The following DMD variants were observed in gnomAD, a reference collection of about 807,000 sequenced individuals.
DMD encodes dystrophin.
DMD carries 63 observed loss-of-function variants against 330.1 expected under a neutral mutation model. The ratio of observed to expected loss-of-function variants is 0.19; its 90% CI spans 0.16 to 0.24. DMD has a LOEUF of 0.24. Ranked by LOEUF, DMD falls within the 10% of genes least tolerant of loss-of-function variation. DMD has a pLI of 1.00. For synonymous variants in DMD, 1,223 were observed against 959.8 expected, an observed-to-expected ratio of 1.27 and a Z score of -5.07; for missense variants, 3,344 against 2,684.1, an observed-to-expected ratio of 1.25 and a Z score of -5.43.
intron 47 of DMD, among the ~76,000 whole-genome samples, chrX:31,901,440 G>C (rs2094420932): frequency 9.0e-6 from 1 of 111,265 alleles, no homozygotes; most frequent in South Asian, 3.7e-4. Context: ...TTCTTTTGTG[G>C]TCCAAGGCCA....
At chrX:32,932,452 C>G (rs182810398) in intron 2 of DMD, among the ~76,000 whole-genome samples, 1 of 111,750 alleles carries the variant, frequency 8.9e-6, no homozygotes, top group East Asian at 2.8e-4. Context: ...AAACAATTCA[C>G]CAATACATTT....
intron 7 of DMD, chrX:32,756,203 C>G (rs188934539): frequency 7.1e-5 from 8 of 111,960 alleles, no homozygotes; most frequent in Admixed American, 1.9e-4. Context: ...AAATTCAGTC[C>G]TGAACAGACA....
At chrX:32,709,714 C>A (rs1199988122) in intron 7 of DMD, among the ~76,000 whole-genome samples, 5 of 111,709 alleles carry the variant, frequency 4.5e-5, no homozygotes, top group South Asian at 3.7e-4. Context: ...TCATATGGCA[C>A]CTCTTCAGAG....
Position 33,174,034 on chromosome X carries a change from CAAAAA to C in DMD, c.31+37243_31+37247del, listed in dbSNP as rs200540950. 0.25 allele frequency among the ~76,000 whole-genome samples: 13,241 copies of C among 52,592 alleles called. 1,301 individuals are homozygous for C. Among genetic ancestry groups the C allele is most frequent in the East Asian group, 0.54 (1,112 of 2,043 alleles). The allele number at this position is 52,592 out of a possible 115,157, so 45.7% of individuals were successfully genotyped here. On this transcript the variant is annotated intron_variant, in intron 1 of 78. Transcript: ENST00000357033. Reference sequence around the variant, plus strand: ...TGTATCTATATAAGATTGGTAACTACAAAAAAAAAAAAAAAAAAAAGAATCCCCAG... The same window carrying C: ...TGTATCTATATAAGATTGGTAACTACAAAAAAAAAAAAAAAGAATCCCCAG...
At chrX:32,642,862 C>A (rs1433675018) in intron 11 of DMD, among the ~76,000 whole-genome samples, 2 of 111,118 alleles carry the variant, frequency 1.8e-5, no homozygotes, top group Non-Finnish European at 3.8e-5. Context: ...GCTATTATGG[C>A]AAGGACAGTA....
chrX:33,231,902 G>A (rs912048262), intron 1 of DMD, among the ~76,000 whole-genome samples: 4 of 111,232 alleles, frequency 3.6e-5, no homozygotes, highest in African/African-American at 9.8e-5. Flanking sequence ...CCTTCCATTG[G>A]CCAAAACCAA....
chrX:32,150,948 A>G (rs1176310992), intron 44 of DMD, among the ~76,000 whole-genome samples: 1 of 111,273 alleles, frequency 9.0e-6, no homozygotes, highest in African/African-American at 3.3e-5. Flanking sequence ...TTGCAATGAA[A>G]ATTAATGGAG....
At chrX:31,898,240 C>A (rs1468565645) in intron 47 of DMD, among the ~76,000 whole-genome samples, 80 of 110,279 alleles carry the variant, frequency 7.3e-4, no homozygotes, top group Non-Finnish European at 1.2e-3. Flanking sequence ...GCTACCAATG[C>A]CTTTCTTCAC....
intron 5 of DMD, among the ~76,000 whole-genome samples, chrX:32,818,808 T>C (rs1315122111): frequency 9.1e-6 from 1 of 109,717 alleles, no homozygotes; most frequent in Non-Finnish European, 1.9e-5. Flanking sequence ...ACACCCTCTC[T>C]AGGGCAACCC....
chrX:32,419,640 C>T (rs913642880), intron 29 of DMD, among the ~76,000 whole-genome samples: 2 of 111,972 alleles, frequency 1.8e-5, no homozygotes, highest in Non-Finnish European at 3.8e-5. Flanking sequence ...TTGAACACAC[C>T]TGGGAGAAAA....
chrX:31,861,585 A>C (rs1299557750), intron 48 of DMD, among the ~76,000 whole-genome samples: 15 of 36,684 alleles, frequency 4.1e-4, no homozygotes, highest in African/African-American at 1.9e-3. Flanking sequence ...ATGCAACTGT[A>C]AAAAAAAAAA....
chrX:31,377,884 C>T (rs1247663537), intron 60 of DMD, among the ~76,000 whole-genome samples: 2 of 111,137 alleles, frequency 1.8e-5, no homozygotes, highest in African/African-American at 3.3e-5. Context: ...AATGGCCGGT[C>T]CTTGCCTTAA....
chrX:32,260,636 C>T (rs747239762), intron 43 of DMD, among the ~76,000 whole-genome samples: 1 of 111,765 alleles, frequency 8.9e-6, no homozygotes, highest in African/African-American at 3.2e-5. Context: ...TTAATGACAG[C>T]ATCCAAAAAG....
At chrX:32,961,621 A>T (rs972012016) in intron 2 of DMD, among the ~76,000 whole-genome samples, 1 of 111,792 alleles carries the variant, frequency 8.9e-6, no homozygotes, top group South Asian at 3.7e-4. Context: ...TACTGTAAAG[A>T]AAGTAATCAT....
intron 64 of DMD, among the ~76,000 whole-genome samples, chrX:31,212,046 A>T (rs1207721147): frequency 9.1e-6 from 1 of 110,150 alleles, no homozygotes; most frequent in African/African-American, 3.3e-5. Context: ...GAAACATTAA[A>T]TGTAATGATT....
chrX:33,309,277 G>A (rs939167979), intron 1 of DMD, among the ~76,000 whole-genome samples: 35 of 110,942 alleles, frequency 3.2e-4, no homozygotes, highest in Admixed American at 7.7e-4. Flanking sequence ...CTGCTCTAGC[G>A]CGCTATGTTA....
intron 44 of DMD, among the ~76,000 whole-genome samples, chrX:32,135,448 G>A (rs774220762): frequency 1.8e-5 from 2 of 112,795 alleles, no homozygotes; most frequent in Admixed American, 1.9e-4. Flanking sequence ...GTGGTTCACA[G>A]GGGTGAGTGC....
At position 32,745,853 on chromosome X, in the gene DMD, T is replaced by G. The variant is rs562496208; in HGVS notation, c.650-46560A>C. Among the ~76,000 whole-genome samples the G allele has an allele frequency of 1.2e-3, 134 of 112,383 alleles. 1 individual carries two copies. Among genetic ancestry groups the G allele is most frequent in the African/African-American group, 4.2e-3 (129 of 31,017 alleles). ...TCGAAGACTTTTCAGGGATGTTTTC[T>G]GTTTAAACTGATAAGCTGCAAAATT... On this transcript the variant is annotated intron_variant, in intron 7 of 78. Transcript: ENST00000357033.
At chrX:31,519,225 TAG>T (rs775144731) in intron 55 of DMD, among the ~76,000 whole-genome samples, 1 of 112,196 alleles carries the variant, frequency 8.9e-6, no homozygotes, top group Admixed American at 9.4e-5. Context: ...CTATATTACA[TAG>T]AGAGTTAAAA....
Sources: allele counts gnomAD v4.1 joint callset (sites outside exome capture counted in the v4.1 genomes callset), GRCh38; gene constraint gnomAD v4.1.1; transcripts MANE v1.5; gene names NCBI Gene and HGNC (gene_info 2026-07-23, HGNC 2026-07-21).